Variants in NEURL1 observed in about 807,000 individuals in gnomAD.
NEURL1 encodes neuralized E3 ubiquitin protein ligase 1.
Under a neutral mutation model 41.2 loss-of-function variants are expected in NEURL1, and 26 were observed. That is an observed-to-expected ratio of 0.63 (90% CI 0.46 to 0.87). The LOEUF is 0.87. NEURL1 is among the 40% of genes least tolerant of loss of function. NEURL1 has a pLI of 0.00. For synonymous variants in NEURL1, 400 were observed against 402.3 expected (o/e 0.99, Z 0.07); for missense variants, 761 against 871.1 (o/e 0.87, Z 1.59).
chr10:103,553,370 C>T (rs1485495382), intron 1 of NEURL1, among the ~76,000 whole-genome samples: 1 of 152,164 alleles, frequency 6.6e-6, no homozygotes, highest in Non-Finnish European at 1.5e-5. Flanking sequence ...CTTCCCGCCC[C>T]CATGGGAACT....
In NEURL1 at chr10:103,556,674, G is replaced by A. The variant is rs980089862; in HGVS notation, c.86-14198G>A. Among the ~76,000 whole-genome samples the A allele has an allele frequency of 3.3e-5, 5 of 152,214 alleles. No homozygotes were observed. The highest frequency in any genetic ancestry group is 7.2e-5 in the African/African-American group (3 of 41,458). On this transcript the variant is annotated intron_variant, in intron 1 of 5. Coordinates refer to ENST00000369780, the MANE Select transcript of NEURL1 (RefSeq NM_004210.5). This position sits in a 1 kb window ranked among gnomAD's most constrained non-coding sequence, Gnocchi z 4.4. ...GCTCTCTTAAAAGGAAATGAATTCCGTCCTGGGTTTGGAGGGCTAAGTGAC... is the reference window on the plus strand; with the variant it reads ...GCTCTCTTAAAAGGAAATGAATTCCATCCTGGGTTTGGAGGGCTAAGTGAC...
At chr10:103,503,683 A>C (rs932039690) in intron 1 of NEURL1, among the ~76,000 whole-genome samples, 9 of 151,866 alleles carry the variant, frequency 5.9e-5, no homozygotes, top group African/African-American at 2.2e-4. Flanking sequence ...CTTACCCTTT[A>C]GTGGGAAGGC....
chr10:103,529,538 A>G (rs1173215964), intron 1 of NEURL1, among the ~76,000 whole-genome samples: 3 of 152,372 alleles, frequency 2.0e-5, no homozygotes, highest in East Asian at 3.9e-4. Context: ...AAAGAATGCC[A>G]TTCCAGTCAA....
At chr10:103,555,267 G>T (rs1474225757) in intron 1 of NEURL1, 6 of 1,110,074 alleles carry the variant, frequency 5.4e-6, no homozygotes, top group Non-Finnish European at 5.6e-6. Context: ...TGCCATGCCG[G>T]TCTCCGCCCG....
At chr10:103,514,701 C>T (rs139687337) in intron 1 of NEURL1, among the ~76,000 whole-genome samples, 8 of 152,308 alleles carry the variant, frequency 5.3e-5, no homozygotes, top group African/African-American at 1.7e-4. Flanking sequence ...CAAACCTTGA[C>T]TCTGACACTT....
Position 103,589,583 on chromosome 10 carries a change from C to T in NEURL1, c.1409C>T (p.Pro470Leu), listed in dbSNP as rs148826462. Residue 470 changes from proline (P) to leucine (L), a missense_variant, in exon 5 of 6, where the codon CCC (proline) becomes CTC (leucine). Around this residue, in one of 5 missense-constraint regions of NEURL1, gnomAD observed 443 missense variants for 408.1 expected, o/e 1.09. Transcript: ENST00000369780. ...TCCCCTGCCTCCACGCCAACCTCGC[C>T]CAGTGCCCTGGGCAGCCGCCTGTCT... ...PCSPASTPTS[P>L]SALGSRLSDP... 13 of 1,613,922 alleles carry T rather than the reference C, an allele frequency of 8.1e-6. No individual in the cohort carries two copies. The highest frequency in any genetic ancestry group is 1.1e-5 in the Non-Finnish European group (13 of 1,179,946).
At chr10:103,572,551 G>A (rs1204086836) in intron 3 of NEURL1, among the ~76,000 whole-genome samples, 1 of 152,226 alleles carries the variant, frequency 6.6e-6, no homozygotes, top group Non-Finnish European at 1.5e-5. Flanking sequence ...GGCATGCTCA[G>A]GGGCCAGGCT....
At chr10:103,513,625 C>T (rs2034127071) in intron 1 of NEURL1, among the ~76,000 whole-genome samples, 1 of 152,212 alleles carries the variant, frequency 6.6e-6, no homozygotes. Context: ...AACTGAGGCT[C>T]ACAGAGGAGC....
intron 1 of NEURL1, among the ~76,000 whole-genome samples, chr10:103,502,686 G>A (rs1254835080): frequency 6.6e-6 from 1 of 152,250 alleles, no homozygotes; most frequent in Non-Finnish European, 1.5e-5. Flanking sequence ...GGTGTGCACA[G>A]TGAGGCACAG....
Position 103,584,978 on chromosome 10 carries a change from G to T in NEURL1, c.1092G>T (p.Thr364=), listed in dbSNP as rs746639030. The T allele has an allele frequency of 6.5e-7, 1 of 1,532,162 alleles. No homozygotes were observed. Among genetic ancestry groups the T allele is most frequent in the Admixed American group, 2.0e-5 (1 of 50,906 alleles). 94.9% of individuals were successfully genotyped at this position (1,532,162 alleles called of 1,614,324 possible). A position where few individuals can be genotyped will look rare whatever the true frequency, so the allele number is the denominator to read the frequency against. The stretch of plus-strand genomic sequence containing the variant: ...GCGTCACCACGTGCGACCCCGGCAC[G>T]CTGCGGCCGGCCGACCTGCCTTTCA... ...SFGVTTCDPG[T]LRPADLPFSP... is the part of the protein sequence containing the mutation. The change falls in exon 4 of 6, where the codon ACG becomes ACT. Residue 364 remains threonine (T), a synonymous_variant. Coordinates refer to ENST00000369780, the MANE Select transcript of NEURL1 (RefSeq NM_004210.5).
At chr10:103,528,792 AC>A (rs1434545995) in intron 1 of NEURL1, among the ~76,000 whole-genome samples, 1 of 152,188 alleles carries the variant, frequency 6.6e-6, no homozygotes, top group African/African-American at 2.4e-5. Flanking sequence ...TTTGACTGTG[AC>A]TTGCCCAGTT....
intron 1 of NEURL1, among the ~76,000 whole-genome samples, chr10:103,510,768 G>A (rs997495945): frequency 6.6e-6 from 1 of 152,222 alleles, no homozygotes; most frequent in African/African-American, 2.4e-5. Context: ...TACCTCCAAT[G>A]TGGATCCTTC....
At chr10:103,501,100 G>A (rs1006384520) in intron 1 of NEURL1, among the ~76,000 whole-genome samples, 1 of 152,222 alleles carries the variant, frequency 6.6e-6, no homozygotes, top group Non-Finnish European at 1.5e-5. Flanking sequence ...CTCTTGCCTG[G>A]ATGTGGGGTC....
chr10:103,532,197 T>C (rs2034586757), intron 1 of NEURL1, among the ~76,000 whole-genome samples: 1 of 152,218 alleles, frequency 6.6e-6, no homozygotes, highest in African/African-American at 2.4e-5. Flanking sequence ...TCAAGGTTAT[T>C]GTTGATAGGT....
In NEURL1 at chr10:103,590,228, C is replaced by T. The variant is rs141241865; in HGVS notation, c.1581C>T (p.His527=). Residue 527 remains histidine, a synonymous_variant, in exon 6 of 6, where the codon CAC becomes CAT. Transcript: ENST00000369780. ...WSDECTICYE[H]AVDTVIYTCG... ...ATGAGTGCACCATTTGCTATGAACACGCGGTGGACACGGTCATCTACACAT... is the reference window on the plus strand; with the variant it reads ...ATGAGTGCACCATTTGCTATGAACATGCGGTGGACACGGTCATCTACACAT... 9.2e-5 allele frequency: 148 copies of T among 1,613,964 alleles called. 1 individual carries two copies. The highest frequency in any genetic ancestry group is 8.2e-4 in the Middle Eastern group (5 of 6,062).
In NEURL1 at chr10:103,588,874, ATG is replaced by A. The variant is rs1486283191; in HGVS notation, c.1340-637_1340-636del. 1.4e-5 allele frequency: 6 copies of A among 439,448 alleles called. No homozygotes were observed. The East Asian group carries it at 4.5e-4, about 33-fold the overall frequency. The allele number at this position is 439,448 out of a possible 1,614,324, so 27.2% of individuals were successfully genotyped here. A position where few individuals can be genotyped will look rare whatever the true frequency, so the allele number is the denominator to read the frequency against. ...GGCAGGAGAATCTCTTGAACCTGGG[ATG>A]TGGAGATTGTAGTGAGCCGAGGTCG... is the stretch of plus-strand genomic sequence containing the variant. On this transcript the variant is annotated intron_variant, in intron 4 of 5. Coordinates refer to ENST00000369780, the MANE Select transcript of NEURL1 (RefSeq NM_004210.5).
chr10:103,497,600 A>G (rs2033715244), intron 1 of NEURL1, among the ~76,000 whole-genome samples: 1 of 152,184 alleles, frequency 6.6e-6, no homozygotes, highest in East Asian at 1.9e-4. Context: ...CTCTCGGGTG[A>G]TAGACTTTGG....
intron 1 of NEURL1, among the ~76,000 whole-genome samples, chr10:103,538,438 G>A (rs1011632445): frequency 6.6e-5 from 10 of 151,634 alleles, no homozygotes; most frequent in Non-Finnish European, 1.3e-4. Context: ...GGGCATGGTG[G>A]CATGTGCCTG....
intron 1 of NEURL1, among the ~76,000 whole-genome samples, chr10:103,565,932 C>T (rs181793422): frequency 3.3e-3 from 495 of 152,196 alleles, no homozygotes; most frequent in Non-Finnish European, 5.5e-3. Context: ...GGATTACAGA[C>T]CTGAGCCACC....
Sources: allele counts gnomAD v4.1 joint callset (sites outside exome capture counted in the v4.1 genomes callset), GRCh38; gene constraint gnomAD v4.1.1; regional missense constraint gnomAD v4.1.1; non-coding constraint Gnocchi (gnomAD v3.1); transcripts MANE v1.5; gene names NCBI Gene and HGNC (gene_info 2026-07-23, HGNC 2026-07-21).